AGBL4: variants seen among roughly 807,000 people sequenced by gnomAD.
AGBL4 encodes AGBL carboxypeptidase 4, also known as cytosolic carboxypeptidase 6.
Under a neutral mutation model 66.4 loss-of-function variants are expected in AGBL4, and 58 were observed. That is an observed-to-expected ratio of 0.87 (90% CI 0.71 to 1.09). The LOEUF (loss-of-function observed/expected upper bound fraction) is 1.09, where lower values mean the gene tolerates loss of function less well. AGBL4 is among the 50% of genes least tolerant of loss of function. AGBL4 has a pLI of 0.00. For missense variants in AGBL4, 579 were observed against 631.0 expected (o/e 0.92, Z 0.88); for synonymous variants, 234 against 222.9 (o/e 1.05, Z -0.44).
chr1:49,652,207 C>G (rs1279984668), intron 3 of AGBL4, among the ~76,000 whole-genome samples: 1 of 151,966 alleles, frequency 6.6e-6, no homozygotes, highest in African/African-American at 2.4e-5. Flanking sequence ...TGGAAAATTA[C>G]CAAACCTAAT....
At chr1:49,425,513 A>G (rs568425359) in intron 3 of AGBL4, among the ~76,000 whole-genome samples, 5 of 152,280 alleles carry the variant, frequency 3.3e-5, no homozygotes, top group Admixed American at 2.0e-4. Flanking sequence ...TGTGTAATTT[A>G]TTGTTTCTTT....
At chr1:49,592,130 T>G (rs958772819) in intron 3 of AGBL4, among the ~76,000 whole-genome samples, 2 of 152,032 alleles carry the variant, frequency 1.3e-5, no homozygotes, top group East Asian at 3.9e-4. Context: ...CAAAATAAAC[T>G]GCCAATAGAA....
chr1:49,126,773 C>CATTT (rs1299205057), intron 4 of AGBL4, among the ~76,000 whole-genome samples: 1 of 152,050 alleles, frequency 6.6e-6, no homozygotes, highest in Admixed American at 6.6e-5. Context: ...TTCCTAAGAT[C>CATTT]ATTTACTCAT....
chr1:48,748,518 C>T (rs1032983000), intron 6 of AGBL4, among the ~76,000 whole-genome samples: 3 of 152,166 alleles, frequency 2.0e-5, no homozygotes, highest in Admixed American at 2.0e-4. Context: ...GGAGGGGGTG[C>T]TGCCTCTGGA....
Position 49,578,866 on chromosome 1 carries a change from T to C in AGBL4, c.282+118447A>G, listed in dbSNP as rs573959099. On this transcript the variant is annotated intron_variant, in intron 3 of 13. Transcript: ENST00000371839. ...CATACTGAGTGCCAACTTGATTGAA[T>C]TGAAGGATACAGAGTATTGATACTG... 4.2e-4 allele frequency among the ~76,000 whole-genome samples: 64 copies of C among 152,254 alleles called. 1 individual carries two copies. In the South Asian group the frequency reaches 0.013, roughly 32 times the overall value.
chr1:48,979,131 T>C (rs1016350209), intron 5 of AGBL4, among the ~76,000 whole-genome samples: 7 of 152,190 alleles, frequency 4.6e-5, no homozygotes, highest in Non-Finnish European at 1.0e-4. Flanking sequence ...ACTCAAATGT[T>C]ATATTCCAAT....
chr1:49,855,840 G>C (rs891983486), intron 1 of AGBL4, among the ~76,000 whole-genome samples: 1 of 151,900 alleles, frequency 6.6e-6, no homozygotes, highest in African/African-American at 2.4e-5. Flanking sequence ...CATCAAGAAA[G>C]TAGAAAAGCA....
intron 5 of AGBL4, among the ~76,000 whole-genome samples, chr1:49,001,868 G>C (rs1172060646): frequency 6.6e-6 from 1 of 152,182 alleles, no homozygotes; most frequent in African/African-American, 2.4e-5. Flanking sequence ...GCTAGGATTA[G>C]AAATTTGGCT....
chr1:49,034,196 T>C (rs1307559726), intron 5 of AGBL4, among the ~76,000 whole-genome samples: 5 of 152,156 alleles, frequency 3.3e-5, no homozygotes, highest in Non-Finnish European at 7.4e-5. Flanking sequence ...GTGATCCTTA[T>C]GGACAAGATG....
At chr1:48,608,538 G>C (rs1645186280) in intron 9 of AGBL4, among the ~76,000 whole-genome samples, 1 of 150,140 alleles carries the variant, frequency 6.7e-6, no homozygotes, top group African/African-American at 2.5e-5. Flanking sequence ...TAATGAGTCA[G>C]AGAAGTGGAT....
intron 5 of AGBL4, among the ~76,000 whole-genome samples, chr1:48,958,773 G>T (rs536356692): frequency 1.3e-5 from 2 of 152,284 alleles, no homozygotes; most frequent in South Asian, 4.2e-4. Flanking sequence ...CCCTAACTAG[G>T]TCTAGCTTCA....
intron 6 of AGBL4, among the ~76,000 whole-genome samples, chr1:48,718,426 A>T (rs765709289): frequency 1.3e-5 from 2 of 152,244 alleles, no homozygotes; most frequent in Non-Finnish European, 2.9e-5. Flanking sequence ...AGCTCAGAAA[A>T]GTGCATGAAT....
chr1:49,922,271 CT>C (rs1244556163), intron 1 of AGBL4, among the ~76,000 whole-genome samples: 1 of 152,046 alleles, frequency 6.6e-6, no homozygotes, highest in African/African-American at 2.4e-5. Context: ...AGGATTTTTA[CT>C]CTCAATAAAC....
intron 5 of AGBL4, among the ~76,000 whole-genome samples, chr1:48,988,451 G>A (rs549060666): frequency 6.6e-6 from 1 of 152,218 alleles, no homozygotes; most frequent in South Asian, 2.1e-4. Context: ...GTATAGGGAA[G>A]GTCTGAAGTT....
At chr1:48,932,770 T>C (rs1263874928) in intron 5 of AGBL4, among the ~76,000 whole-genome samples, 1 of 152,166 alleles carries the variant, frequency 6.6e-6, no homozygotes, top group Admixed American at 6.5e-5. Flanking sequence ...ACCTCTTTAA[T>C]GAATGTTTTT....
At chr1:48,990,725 T>C (rs1571174697) in intron 5 of AGBL4, among the ~76,000 whole-genome samples, 1 of 152,102 alleles carries the variant, frequency 6.6e-6, no homozygotes, top group East Asian at 1.9e-4. Flanking sequence ...TTTCTTTTTG[T>C]GTATCCGTTG....
intron 6 of AGBL4, among the ~76,000 whole-genome samples, chr1:48,751,982 A>G (rs1420768793): frequency 6.6e-6 from 1 of 152,202 alleles, no homozygotes. Context: ...AAAGTAGAAG[A>G]TGACTGATAT....
chr1:49,723,608 A>C (rs1407674833), intron 2 of AGBL4, among the ~76,000 whole-genome samples: 1 of 152,186 alleles, frequency 6.6e-6, no homozygotes, highest in Non-Finnish European at 1.5e-5. Context: ...ATGTCTGGTC[A>C]TCAAAGCCTT....
At chr1:49,883,462 T>C (rs180888575) in intron 1 of AGBL4, among the ~76,000 whole-genome samples, 18 of 152,214 alleles carry the variant, frequency 1.2e-4, no homozygotes, top group African/African-American at 4.3e-4. Flanking sequence ...TTTTTAATTA[T>C]GTGTATCTTT....
Sources: gnomAD v4.1 joint callset for allele counts (sites outside exome capture counted in the v4.1 genomes callset) on GRCh38, gnomAD v4.1.1 for gene constraint, MANE v1.5 for transcripts, NCBI Gene and HGNC (gene_info 2026-07-23, HGNC 2026-07-21) for gene names.